WDR12: variants seen among roughly 807,000 people sequenced by gnomAD.
WDR12 encodes the protein ribosome biogenesis protein WDR12.
In WDR12, 42 loss-of-function variants were observed where a neutral mutation model predicts 64.3. That is an observed-to-expected ratio of 0.65 (90% CI 0.51 to 0.84). The LOEUF is 0.84. Among genes scored for constraint, WDR12 ranks in the 40% least tolerant of loss-of-function variants. The pLI, the probability that WDR12 is intolerant of heterozygous loss-of-function variation, is 0.00. For missense variants in WDR12, 469 were observed against 494.6 expected, an observed-to-expected ratio of 0.95 and a Z score of 0.49; for synonymous variants, 158 against 173.3, an observed-to-expected ratio of 0.91 and a Z score of 0.70.
intron 8 of WDR12, among the ~76,000 whole-genome samples, chr2:202,884,988 A>G (rs1047509656): frequency 3.3e-5 from 5 of 152,198 alleles, no homozygotes; most frequent in Admixed American, 1.3e-4. Context: ...TAGTTCTCAA[A>G]ATAACTATAG....
intron 12 of WDR12, among the ~76,000 whole-genome samples, chr2:202,881,583 C>G (rs2105902016): frequency 6.6e-6 from 1 of 152,184 alleles, no homozygotes; most frequent in Non-Finnish European, 1.5e-5. Flanking sequence ...GAGTTCAAGA[C>G]TACCTTGGGG....
chr2:202,903,001 C>A (rs1337096680), intron 2 of WDR12, among the ~76,000 whole-genome samples: 3 of 152,120 alleles, frequency 2.0e-5, no homozygotes, highest in Non-Finnish European at 4.4e-5. Flanking sequence ...ATTGCTTGAA[C>A]CCGGGAGGTG....
intron 4 of WDR12, among the ~76,000 whole-genome samples, chr2:202,897,685 C>T (rs1192868843): frequency 2.0e-5 from 3 of 148,114 alleles, no homozygotes; most frequent in Non-Finnish European, 4.5e-5. Context: ...GTCAGGAGAT[C>T]GAGACCATTC....
chr2:202,907,922 C>T lies in WDR12; in HGVS notation c.79G>A (p.Ala27Thr), dbSNP rs764146803. 2 of 1,614,006 alleles carry T rather than the reference C, an allele frequency of 1.2e-6. No individual in the cohort carries two copies. The highest frequency in any genetic ancestry group is 1.7e-6 in the Non-Finnish European group (2 of 1,179,968). Residue 27 changes from alanine (A) to threonine (T), a missense_variant, in exon 2 of 13, where the codon GCC becomes ACC. By Grantham distance (58) the Ala-to-Thr change is moderately conservative. Coordinates refer to ENST00000261015, the MANE Select transcript of WDR12 (RefSeq NM_018256.4). ...TTACTAAGGTCGGCAATTTCAGAGGCAGCAGGGATTGAGAAGGGAACATCA... is the reference window on the plus strand; with the variant it reads ...TTACTAAGGTCGGCAATTTCAGAGGTAGCAGGGATTGAGAAGGGAACATCA... Reference protein sequence around the residue: ...VDDVPFSIPAASEIADLSNII... With the variant: ...VDDVPFSIPATSEIADLSNII...
intron 8 of WDR12, among the ~76,000 whole-genome samples, chr2:202,888,833 C>T (rs1017098896): frequency 4.6e-5 from 7 of 152,092 alleles, no homozygotes; most frequent in African/African-American, 7.2e-5. Context: ...CCACTTCAAC[C>T]TCTCAAGTAG....
chr2:202,898,853 A>G (rs1688297551), intron 4 of WDR12, among the ~76,000 whole-genome samples: 1 of 151,696 alleles, frequency 6.6e-6, no homozygotes, highest in African/African-American at 2.4e-5. Flanking sequence ...CTGGGTGTAG[A>G]GAAATCCCAC....
chr2:202,887,676 C>T (rs1476240816), intron 8 of WDR12, among the ~76,000 whole-genome samples: 2 of 151,512 alleles, frequency 1.3e-5, no homozygotes, highest in East Asian at 3.9e-4. Flanking sequence ...ATCATGAGGT[C>T]AGGAGATCGA....
At chr2:202,910,529 A>C (rs560331024) in intron 1 of WDR12, among the ~76,000 whole-genome samples, 5 of 152,268 alleles carry the variant, frequency 3.3e-5, no homozygotes, top group Admixed American at 3.3e-4. Flanking sequence ...TCTCCAAAAA[A>C]ACCAAACCAA....
At chr2:202,888,996 G>A (rs1339333984) in intron 8 of WDR12, among the ~76,000 whole-genome samples, 2 of 151,998 alleles carry the variant, frequency 1.3e-5, no homozygotes, top group Non-Finnish European at 2.9e-5. Flanking sequence ...ACCTTCTCGG[G>A]CCCCAAATTT....
At chr2:202,903,229 T>C (rs1452528443) in intron 2 of WDR12, among the ~76,000 whole-genome samples, 4 of 152,164 alleles carry the variant, frequency 2.6e-5, no homozygotes, top group South Asian at 2.1e-4. Flanking sequence ...GAAAAAGCAT[T>C]TGATAAAATT....
intron 8 of WDR12, among the ~76,000 whole-genome samples, chr2:202,888,669 GAT>G (rs1688093796): frequency 1.3e-5 from 2 of 152,082 alleles, no homozygotes; most frequent in African/African-American, 4.8e-5. Flanking sequence ...ACCTATTTTT[GAT>G]ATGTTTTTTC....
Position 202,897,285 on chromosome 2 carries a change from G to T in WDR12, c.454+15C>A. 6.4e-7 allele frequency: 1 copy of T among 1,561,412 alleles called. No individual in the cohort carries two copies. The highest frequency in any genetic ancestry group is 8.7e-7 in the Non-Finnish European group (1 of 1,145,942). ...CTATCTAGGATTCCTCTAAGTGTAG[G>T]CAAACTGTCCTAACCTTTTTTCACC... On this transcript the variant is annotated intron_variant, in intron 5 of 12. Coordinates refer to ENST00000261015, the MANE Select transcript of WDR12 (RefSeq NM_018256.4).
chr2:202,878,141 T>A lies in WDR12; in HGVS notation c.*2719A>T, dbSNP rs981019156. On this transcript the variant is annotated 3_prime_UTR_variant, in exon 13 of 13. Transcript: ENST00000261015. ...CAAGGAAGAATGCCTGAACTATGAA[T>A]GTATTCTGCTGTGGAACCAGGATTG... is the stretch of plus-strand genomic sequence containing the variant. The A allele has an allele frequency of 2.6e-5, 4 of 152,186 alleles. No homozygotes were observed. The highest frequency in any genetic ancestry group is 5.9e-5 in the Non-Finnish European group (4 of 68,054). The allele number at this position is 152,186 out of a possible 1,614,324, so 9.4% of individuals were successfully genotyped here.
intron 2 of WDR12, among the ~76,000 whole-genome samples, chr2:202,906,505 C>T (rs931954737): frequency 9.2e-5 from 14 of 152,220 alleles, no homozygotes; most frequent in Non-Finnish European, 1.9e-4. Flanking sequence ...CTCTTACCTC[C>T]TCATTCCTCC....
Position 202,877,083 on chromosome 2 carries a change from A to G in WDR12, c.*3777T>C, listed in dbSNP as rs911682756. 20 of 148,008 alleles carry G rather than the reference A, an allele frequency of 1.4e-4. No individual in the cohort carries two copies. Among genetic ancestry groups the G allele is most frequent in the Non-Finnish European group, 5.9e-5 (4 of 67,364 alleles). 9.2% of individuals were successfully genotyped at this position (148,008 alleles called of 1,614,324 possible). A position where few individuals can be genotyped will look rare whatever the true frequency, so the allele number is the denominator to read the frequency against. On this transcript the variant is annotated 3_prime_UTR_variant, in exon 13 of 13. Coordinates refer to ENST00000261015, the MANE Select transcript of WDR12 (RefSeq NM_018256.4). Reference sequence around the variant, plus strand: ...GTGAACAGATTTCAATGTTATTATCAGAAATTCCCAGATGGTATATATATA... The same window carrying G: ...GTGAACAGATTTCAATGTTATTATCGGAAATTCCCAGATGGTATATATATA...
chr2:202,885,799 C>T (rs1574402720), intron 8 of WDR12, among the ~76,000 whole-genome samples: 1 of 152,148 alleles, frequency 6.6e-6, no homozygotes, highest in Non-Finnish European at 1.5e-5. Context: ...GAGGCTCATA[C>T]CTGTAGTCTC....
At chr2:202,895,337 T>C (rs1269590078) in intron 6 of WDR12, among the ~76,000 whole-genome samples, 2 of 152,134 alleles carry the variant, frequency 1.3e-5, no homozygotes, top group Non-Finnish European at 2.9e-5. Context: ...AAAGAGTAGA[T>C]TGATACTATA....
chr2:202,884,655 C>T, intron 8 of WDR12, 120 bp from the exon 9 acceptor site: 2 of 958,886 alleles, frequency 2.1e-6, no homozygotes. Flanking sequence ...CTTTCATATC[C>T]TGACTTATTT....
Position 202,896,166 on chromosome 2 carries a change from A to C in WDR12, c.508T>G (p.Trp170Gly). ...TTGTTTCTCTCTACATTCCACTCCC[A>C]TAAGAGAATAGTCTGATCCATAGAA... ...SASMDQTILLWEWNVERNKVK... is the reference protein window; with the variant it reads ...SASMDQTILLGEWNVERNKVK... The change falls in exon 6 of 13, where the codon TGG becomes GGG. Residue 170 changes from tryptophan (W) to glycine (G), a missense_variant. Trp to Gly is a radical substitution (Grantham distance 184). Transcript: ENST00000261015. The C allele has an allele frequency of 1.2e-6, 2 of 1,614,100 alleles. No homozygotes were observed. Among genetic ancestry groups the C allele is most frequent in the Non-Finnish European group, 1.7e-6 (2 of 1,180,000 alleles).
Sources: allele counts gnomAD v4.1 joint callset (sites outside exome capture counted in the v4.1 genomes callset), GRCh38; gene constraint gnomAD v4.1.1; transcripts MANE v1.5; gene names NCBI Gene and HGNC (gene_info 2026-07-23, HGNC 2026-07-21).